NXPE2: variants seen among roughly 807,000 people sequenced by gnomAD.
NXPE2 encodes the protein neurexophilin and PC-esterase domain family member 2, also known as NXPE family member 2.
Under a neutral mutation model 34.4 loss-of-function variants are expected in NXPE2, and 34 were observed. That is an observed-to-expected ratio of 0.99 (90% CI 0.75 to 1.31). NXPE2 has a LOEUF of 1.31. Among genes scored for constraint, NXPE2 ranks in the 40% most tolerant of loss-of-function variants. The probability of loss-of-function intolerance (pLI) is 0.00; values close to 1 mark genes in which losing one functional copy is unlikely to be tolerated. For synonymous variants in NXPE2, 235 were observed against 231.3 expected, an observed-to-expected ratio of 1.02 and a Z score of -0.15; for missense variants, 649 against 672.5, an observed-to-expected ratio of 0.97 and a Z score of 0.39.
At chr11:114,801,253 CAGAGATAACTTAGATTTA>C in the NXPE2 span, among the ~76,000 whole-genome samples, 1 of 152,106 alleles carries the variant, frequency 6.6e-6, no homozygotes, top group African/African-American at 2.4e-5. Context: ...ACTAAAGAAT[CAGAGATAACTTAGATTTA>C]GGGGAGAGAG....
chr11:114,522,879 T>A, the NXPE2 span: 137 of 1,607,266 alleles, frequency 8.5e-5, no homozygotes, highest in Admixed American at 4.7e-4. Flanking sequence ...AACTACCTAC[T>A]TTTTACAACT....
chr11:114,590,426 G>A, the NXPE2 span, among the ~76,000 whole-genome samples: 1 of 152,056 alleles, frequency 6.6e-6, no homozygotes, highest in Non-Finnish European at 1.5e-5. Flanking sequence ...AAGATTTTGG[G>A]GCATTACAGG....
chr11:114,712,528 C>T, the NXPE2 span, among the ~76,000 whole-genome samples: 1 of 152,156 alleles, frequency 6.6e-6, no homozygotes, highest in Non-Finnish European at 1.5e-5. Flanking sequence ...TTCAATATCA[C>T]TAATCATTAG....
chr11:114,664,205 G>T, the NXPE2 span, among the ~76,000 whole-genome samples: 4 of 152,104 alleles, frequency 2.6e-5, no homozygotes, highest in African/African-American at 4.8e-5. Flanking sequence ...AGATACACAA[G>T]TACTATAATA....
chr11:114,611,192 C>T, the NXPE2 span, among the ~76,000 whole-genome samples: 19 of 151,660 alleles, frequency 1.3e-4, no homozygotes, highest in South Asian at 1.2e-3. Flanking sequence ...CACTGCTACC[C>T]GCTGGATAAT....
At chr11:114,553,758 C>T in the NXPE2 span, 1 of 985,396 alleles carries the variant, frequency 1.0e-6, no homozygotes, top group Middle Eastern at 5.2e-4. Flanking sequence ...TGGAAATCCT[C>T]ACTGGTAGAG....
chr11:114,529,978 A>G, the NXPE2 span: 9 of 548,678 alleles, frequency 1.6e-5, no homozygotes, highest in African/African-American at 1.3e-4. Flanking sequence ...AGCAAAACAC[A>G]TGACTGAATG....
chr11:114,607,945 C>T, the NXPE2 span, among the ~76,000 whole-genome samples: 9 of 151,350 alleles, frequency 5.9e-5, no homozygotes, highest in African/African-American at 2.2e-4. Context: ...TGTCTAACCA[C>T]TGTTACCCAG....
the NXPE2 span, among the ~76,000 whole-genome samples, chr11:114,787,020 G>A: frequency 3.9e-5 from 6 of 152,130 alleles, no homozygotes; most frequent in Non-Finnish European, 5.9e-5. Context: ...CAGAACATCT[G>A]CCTGTCCCCA....
the NXPE2 span, among the ~76,000 whole-genome samples, chr11:114,476,548 C>G: frequency 1.3e-5 from 2 of 152,146 alleles, no homozygotes; most frequent in Admixed American, 6.6e-5. Context: ...TTAATTAACT[C>G]ACAGTTCCTC....
downstream of NXPE2, among the ~76,000 whole-genome samples, chr11:114,710,329 T>A (rs1859589803): frequency 6.6e-6 from 1 of 151,532 alleles, no homozygotes; most frequent in Admixed American, 6.6e-5. Context: ...TTCAAAAAGA[T>A]CAAAAATTTA....
the NXPE2 span, among the ~76,000 whole-genome samples, chr11:114,563,637 C>G: frequency 6.6e-6 from 1 of 152,070 alleles, no homozygotes; most frequent in African/African-American, 2.4e-5. Context: ...AAAAAACAAA[C>G]AGTCTATCAA....
At chr11:114,562,665 A>C in the NXPE2 span, among the ~76,000 whole-genome samples, 1 of 152,242 alleles carries the variant, frequency 6.6e-6, no homozygotes, top group Non-Finnish European at 1.5e-5. Flanking sequence ...TTGACTTTAC[A>C]GAAGTAAATT....
At chr11:114,677,177 TG>T (rs1950868379), upstream of NXPE2, among the ~76,000 whole-genome samples, 1 of 152,062 alleles carries the variant, frequency 6.6e-6, no homozygotes, top group Non-Finnish European at 1.5e-5. Context: ...TTACACAGGA[TG>T]AATAAGTTCT....
At chr11:114,642,081 A>T in the NXPE2 span, among the ~76,000 whole-genome samples, 1 of 152,114 alleles carries the variant, frequency 6.6e-6, no homozygotes, top group Non-Finnish European at 1.5e-5. Flanking sequence ...GAGAAAGATT[A>T]ACTTCCAAAG....
At chr11:114,650,343 A>G in the NXPE2 span, among the ~76,000 whole-genome samples, 77 of 152,346 alleles carry the variant, frequency 5.1e-4, no homozygotes, top group African/African-American at 1.9e-3. Context: ...TGGGATCACC[A>G]GAAAAGAGGA....
At chr11:114,807,707 C>G in the NXPE2 span, among the ~76,000 whole-genome samples, 1 of 151,686 alleles carries the variant, frequency 6.6e-6, no homozygotes, top group Non-Finnish European at 1.5e-5. Flanking sequence ...CCTTAGTGAC[C>G]TACAAAGAGA....
chr11:114,785,208 C>T, the NXPE2 span, among the ~76,000 whole-genome samples: 1 of 152,090 alleles, frequency 6.6e-6, no homozygotes, highest in Admixed American at 6.5e-5. Flanking sequence ...TGAAATTACA[C>T]TCAATGCTGA....
chr11:114,669,900 A>G, the NXPE2 span, among the ~76,000 whole-genome samples: 2 of 152,054 alleles, frequency 1.3e-5, no homozygotes, highest in Non-Finnish European at 2.9e-5. Context: ...GCTTGCAGTC[A>G]TCCTGAAGGT....
Sources: allele counts gnomAD v4.1 joint callset (sites outside exome capture counted in the v4.1 genomes callset), GRCh38; gene constraint gnomAD v4.1.1; transcripts MANE v1.5; gene names NCBI Gene and HGNC (gene_info 2026-07-23, HGNC 2026-07-21).